Variants in RBFOX1 observed in about 807,000 individuals in gnomAD.
RBFOX1 encodes the protein RNA binding fox-1 homolog 1, also known as RNA binding protein fox-1 homolog 1.
RBFOX1 carries 8 observed loss-of-function variants against 57.7 expected under a neutral mutation model. The observed-to-expected ratio is 0.14, with a 90% CI of 0.08 to 0.25. The LOEUF (loss-of-function observed/expected upper bound fraction) is 0.25. Among genes scored for constraint, RBFOX1 ranks in the 10% least tolerant of loss-of-function variants. The probability of loss-of-function intolerance (pLI) is 1.00; values close to 1 mark genes in which losing one functional copy is unlikely to be tolerated. For synonymous variants in RBFOX1, 326 were observed against 222.4 expected, an observed-to-expected ratio of 1.47 and a Z score of -4.15; for missense variants, 611 against 548.5, an observed-to-expected ratio of 1.11 and a Z score of -1.14.
chr16:5,357,797 C>G (rs965826294), intron 1 of RBFOX1, among the ~76,000 whole-genome samples: 1 of 152,174 alleles, frequency 6.6e-6, no homozygotes, highest in Non-Finnish European at 1.5e-5. Flanking sequence ...ATTTCTGTTT[C>G]TTACAACCAA....
chr16:6,191,374 C>A (rs1037639570), intron 1 of RBFOX1, among the ~76,000 whole-genome samples: 1 of 152,048 alleles, frequency 6.6e-6, no homozygotes, highest in Admixed American at 6.6e-5. Flanking sequence ...ATGGCATGTC[C>A]TTTCACTGGC....
chr16:6,494,067 A>T (rs189366678), intron 2 of RBFOX1, among the ~76,000 whole-genome samples: 1 of 152,116 alleles, frequency 6.6e-6, no homozygotes, highest in Admixed American at 6.5e-5. Flanking sequence ...CTTAATTGAA[A>T]TTTTTACAGA....
At chr16:7,692,288 G>T (rs1441820163) in intron 14 of RBFOX1, among the ~76,000 whole-genome samples, 1 of 152,094 alleles carries the variant, frequency 6.6e-6, no homozygotes, top group African/African-American at 2.4e-5. Context: ...GAATTTAACT[G>T]AATGTGAAAT....
intron 1 of RBFOX1, among the ~76,000 whole-genome samples, chr16:6,212,139 T>G (rs2097302590): frequency 6.6e-6 from 1 of 152,160 alleles, no homozygotes; most frequent in African/African-American, 2.4e-5. Context: ...ATTACAGGTA[T>G]GAGCCACTGT....
chr16:6,864,873 C>G (rs1170792422), intron 3 of RBFOX1, among the ~76,000 whole-genome samples: 7 of 151,734 alleles, frequency 4.6e-5, no homozygotes, highest in Admixed American at 4.6e-4. Context: ...TGAATGGATA[C>G]TCATCAAAAC....
intron 1 of RBFOX1, among the ~76,000 whole-genome samples, chr16:6,247,036 C>T (rs574555321): frequency 6.6e-6 from 1 of 152,182 alleles, no homozygotes; most frequent in African/African-American, 2.4e-5. Flanking sequence ...CACCATTTTA[C>T]TCCAGCCTGG....
At chr16:5,991,464 C>G (rs532635133) in intron 4 of RBFOX1, among the ~76,000 whole-genome samples, 1 of 152,132 alleles carries the variant, frequency 6.6e-6, no homozygotes, top group East Asian at 1.9e-4. Flanking sequence ...CAATTAGCCT[C>G]TAGTTTGTTT....
intron 3 of RBFOX1, among the ~76,000 whole-genome samples, chr16:6,950,457 G>T (rs956979695): frequency 1.3e-5 from 2 of 152,154 alleles, no homozygotes; most frequent in Non-Finnish European, 2.9e-5. Flanking sequence ...CTAGTGCCTG[G>T]CACAGAGTAG....
chr16:6,800,581 A>T (rs999159107), intron 3 of RBFOX1, among the ~76,000 whole-genome samples: 1 of 151,888 alleles, frequency 6.6e-6, no homozygotes, highest in Non-Finnish European at 1.5e-5. Flanking sequence ...CCCGGTAATC[A>T]CCTGGCCGGA....
intron 4 of RBFOX1, among the ~76,000 whole-genome samples, chr16:7,263,994 G>A (rs1405800941): frequency 6.6e-6 from 1 of 151,546 alleles, no homozygotes; most frequent in Non-Finnish European, 1.5e-5. Flanking sequence ...GAAAGATCTT[G>A]GCGGTTTTGT....
chr16:7,294,565 A>G (rs2095854429), intron 4 of RBFOX1, among the ~76,000 whole-genome samples: 1 of 151,980 alleles, frequency 6.6e-6, no homozygotes, highest in Non-Finnish European at 1.5e-5. Context: ...TTTTCTTTTG[A>G]AAAGCTTAGG....
At chr16:7,269,313 C>A (rs58007414) in intron 4 of RBFOX1, among the ~76,000 whole-genome samples, 2 of 152,008 alleles carry the variant, frequency 1.3e-5, no homozygotes, top group African/African-American at 4.8e-5. Flanking sequence ...TTTAGAAAAG[C>A]AACATATGAT....
At chr16:7,296,097 G>A (rs12924980) in intron 4 of RBFOX1, among the ~76,000 whole-genome samples, 19,267 of 151,822 alleles carry the variant, frequency 0.13, 1,562 homozygotes, top group Middle Eastern at 0.21. Flanking sequence ...TCATTATCTC[G>A]GTGGTTCCCA....
intron 2 of RBFOX1, among the ~76,000 whole-genome samples, chr16:6,634,270 C>T (rs2098413565): frequency 6.6e-6 from 1 of 151,970 alleles, no homozygotes; most frequent in African/African-American, 2.4e-5. Context: ...ATGATTAGTG[C>T]AACAGGAAAG....
chr16:6,719,146 C>CATG (rs2065425898), intron 3 of RBFOX1, among the ~76,000 whole-genome samples: 1 of 152,120 alleles, frequency 6.6e-6, no homozygotes, highest in Non-Finnish European at 1.5e-5. Flanking sequence ...GGATTATAGG[C>CATG]ATGAGCCATA....
At chr16:6,678,784 A>G (rs943803648) in intron 3 of RBFOX1, among the ~76,000 whole-genome samples, 3 of 152,092 alleles carry the variant, frequency 2.0e-5, no homozygotes, top group African/African-American at 7.2e-5. Context: ...TTGAAAGTTA[A>G]TCACTTGCCA....
At chr16:7,287,038 G>C (rs2095664289) in intron 4 of RBFOX1, among the ~76,000 whole-genome samples, 1 of 152,176 alleles carries the variant, frequency 6.6e-6, no homozygotes, top group African/African-American at 2.4e-5. Context: ...GAAGCTGTAG[G>C]AGTGTGAGGA....
chr16:7,427,221 A>C (rs1367717603), intron 4 of RBFOX1, among the ~76,000 whole-genome samples: 3 of 152,184 alleles, frequency 2.0e-5, no homozygotes, highest in Non-Finnish European at 2.9e-5. Context: ...ATATGTAACA[A>C]ACCTGCATGT....
chr16:7,232,171 A>T (rs1486119311), intron 4 of RBFOX1, among the ~76,000 whole-genome samples: 1 of 152,102 alleles, frequency 6.6e-6, no homozygotes, highest in Non-Finnish European at 1.5e-5. Context: ...CTACAGGTAC[A>T]TACCACCAGG....
Sources: allele counts gnomAD v4.1 joint callset (sites outside exome capture counted in the v4.1 genomes callset), GRCh38; gene constraint gnomAD v4.1.1; transcripts MANE v1.5; gene names NCBI Gene and HGNC (gene_info 2026-07-23, HGNC 2026-07-21).